Variants in CNTLN observed in about 807,000 individuals in gnomAD.
CNTLN encodes the protein centlein, centrosomal protein.
CNTLN carries 212 observed loss-of-function variants against 180.0 expected under a neutral mutation model. The ratio of observed to expected loss-of-function variants is 1.18; its 90% CI spans 1.05 to 1.32. The LOEUF (loss-of-function observed/expected upper bound fraction) is 1.32, where lower values mean the gene tolerates loss of function less well. Among genes scored for constraint, CNTLN ranks in the 40% most tolerant of loss-of-function variants. The pLI is 0.00. For missense variants in CNTLN, 2,095 were observed against 1,610.9 expected (o/e 1.30, Z -5.14); for synonymous variants, 722 against 563.1 (o/e 1.28, Z -3.99).
At chr9:17,360,881 A>C (rs1184573875) in intron 12 of CNTLN, among the ~76,000 whole-genome samples, 2 of 152,160 alleles carry the variant, frequency 1.3e-5, no homozygotes, top group African/African-American at 4.8e-5. Context: ...CTTGAAAAGA[A>C]TATTTGTTTT....
chr9:17,276,547 A>C (rs918149212), intron 6 of CNTLN, among the ~76,000 whole-genome samples: 16 of 151,828 alleles, frequency 1.1e-4, no homozygotes, highest in African/African-American at 3.9e-4. Flanking sequence ...TATTTGATCC[A>C]TGTCACCCAT....
the CNTLN span, among the ~76,000 whole-genome samples, chr9:17,520,222 A>T: frequency 2.6e-5 from 4 of 152,188 alleles, no homozygotes; most frequent in African/African-American, 9.7e-5. Context: ...ATCTTCTGTA[A>T]TAGCCACCTA....
intron 2 of CNTLN, among the ~76,000 whole-genome samples, chr9:17,152,350 G>A (rs774913859): frequency 6.6e-6 from 1 of 152,092 alleles, no homozygotes; most frequent in African/African-American, 2.4e-5. Context: ...AGAGATTCGG[G>A]TATGTTGTCT....
chr9:17,324,107 C>A (rs374432395), intron 8 of CNTLN, among the ~76,000 whole-genome samples: 2 of 152,068 alleles, frequency 1.3e-5, no homozygotes, highest in Non-Finnish European at 2.9e-5. Context: ...CAAGCATAGT[C>A]CCTTGCTTAT....
chr9:17,443,115 A>G lies in CNTLN; in HGVS notation c.3115-14409A>G, dbSNP rs146171224. 7.0e-4 allele frequency among the ~76,000 whole-genome samples: 106 copies of G among 152,340 alleles called. 2 individuals are homozygous for G. The South Asian group carries it at 0.018, about 26-fold the overall frequency. ...TTTTGAAATCAGGAAGAATACTTCT[A>G]TGCCTGCTATCATTGTTTGTCTTTG... On this transcript the variant is annotated intron_variant, in intron 18 of 25. Transcript: ENST00000380647.
chr9:17,501,636 G>C (rs543479483), intron 25 of CNTLN, among the ~76,000 whole-genome samples: 1 of 152,224 alleles, frequency 6.6e-6, no homozygotes, highest in East Asian at 1.9e-4. Flanking sequence ...GCCCTGCAGG[G>C]AAGGGGGCTG....
At chr9:17,505,508 A>G (rs947043270), downstream of CNTLN, among the ~76,000 whole-genome samples, 3 of 152,214 alleles carry the variant, frequency 2.0e-5, no homozygotes, top group Non-Finnish European at 4.4e-5. Context: ...AAATGTGGAA[A>G]ATGAAATTAA....
chr9:17,220,821 C>G (rs187181728), intron 2 of CNTLN, among the ~76,000 whole-genome samples: 12 of 152,168 alleles, frequency 7.9e-5, no homozygotes, highest in African/African-American at 2.6e-4. Flanking sequence ...GTATATGTAC[C>G]ACATTTTCTT....
chr9:17,321,096 G>A (rs1014765367), intron 8 of CNTLN, among the ~76,000 whole-genome samples: 1 of 151,976 alleles, frequency 6.6e-6, no homozygotes, highest in African/African-American at 2.4e-5. Flanking sequence ...TCACTTTTAT[G>A]TAGTTTTCTT....
intron 15 of CNTLN, among the ~76,000 whole-genome samples, chr9:17,399,946 A>T (rs1826839511): frequency 6.6e-6 from 1 of 152,132 alleles, no homozygotes. Flanking sequence ...TCTATTTTTC[A>T]TCAAACCTCG....
chr9:17,144,131 TTA>T lies in CNTLN; in HGVS notation c.449+759_449+760del, dbSNP rs369710235. 5.5e-3 allele frequency among the ~76,000 whole-genome samples: 834 copies of T among 152,344 alleles called. 6 individuals carry two copies. Among genetic ancestry groups the T allele is most frequent in the Admixed American group, 8.1e-3 (124 of 15,308 alleles). On this transcript the variant is annotated intron_variant, in intron 2 of 25. Transcript: ENST00000380647. ...TGAATATCATTTTTTATTACTTGAA[TTA>T]TATTCACCCTTGTAGTCTCTAGTCC...
At chr9:17,526,356 G>T in the CNTLN span, among the ~76,000 whole-genome samples, 1 of 152,170 alleles carries the variant, frequency 6.6e-6, no homozygotes, top group Non-Finnish European at 1.5e-5. Context: ...CTGTAATTAA[G>T]TAAATTACTA....
Position 17,340,965 on chromosome 9 carries a change from A to G in CNTLN, c.1766+17A>G. ...CAGTGGCATGTGAGTTACATAGCTC[A>G]TAAAGGCATTTCCCTAAATATTAAA... On this transcript the variant is annotated intron_variant, in intron 11 of 25. Coordinates refer to ENST00000380647, the MANE Select transcript of CNTLN (RefSeq NM_017738.4). 6.3e-7 allele frequency: 1 copy of G among 1,591,676 alleles called. No homozygotes were observed. Among genetic ancestry groups the G allele is most frequent in the Non-Finnish European group, 8.6e-7 (1 of 1,169,294 alleles).
At chr9:17,419,129 GT>G (rs986029812) in intron 18 of CNTLN, among the ~76,000 whole-genome samples, 6 of 151,548 alleles carry the variant, frequency 4.0e-5, no homozygotes, top group Non-Finnish European at 7.4e-5. Context: ...TTGTTTGTTT[GT>G]TTTTTTTACA....
chr9:17,142,305 G>C (rs528054974), intron 1 of CNTLN, among the ~76,000 whole-genome samples: 1 of 151,868 alleles, frequency 6.6e-6, no homozygotes, highest in Non-Finnish European at 1.5e-5. Flanking sequence ...TTTATATATG[G>C]CCTAAGATAA....
At chr9:17,189,073 GTTTTTTTT>G (rs1175101171) in intron 2 of CNTLN, among the ~76,000 whole-genome samples, 3 of 68,904 alleles carry the variant, frequency 4.4e-5, no homozygotes, top group South Asian at 1.3e-3. Flanking sequence ...TTGGGACTTA[GTTTTTTTT>G]TTTTTTTTTT....
chr9:17,446,749 C>T (rs1288204390), intron 18 of CNTLN, among the ~76,000 whole-genome samples: 10 of 152,062 alleles, frequency 6.6e-5, no homozygotes, highest in Admixed American at 6.6e-4. Context: ...ATATTGATTT[C>T]CTCTGGCTAG....
intron 5 of CNTLN, among the ~76,000 whole-genome samples, chr9:17,270,536 A>C (rs1827855890): frequency 6.6e-6 from 1 of 152,170 alleles, no homozygotes; most frequent in African/African-American, 2.4e-5. Flanking sequence ...TATATGCCTA[A>C]GTGATATTGC....
intron 23 of CNTLN, among the ~76,000 whole-genome samples, chr9:17,476,560 AC>A (rs557046586): frequency 1.3e-5 from 2 of 152,368 alleles, no homozygotes; most frequent in South Asian, 4.1e-4. Context: ...TCATGAATAC[AC>A]AAATGATAAG....
Sources: gnomAD v4.1 joint callset for allele counts (sites outside exome capture counted in the v4.1 genomes callset) on GRCh38, gnomAD v4.1.1 for gene constraint, MANE v1.5 for transcripts, NCBI Gene and HGNC (gene_info 2026-07-23, HGNC 2026-07-21) for gene names.